CFAP58: variants seen among roughly 807,000 people sequenced by gnomAD.
The protein encoded by CFAP58 is cilia- and flagella-associated protein 58.
Under a neutral mutation model 119.5 loss-of-function variants are expected in CFAP58, and 88 were observed. The observed-to-expected ratio is 0.74, with a 90% CI of 0.62 to 0.88. The LOEUF is 0.88. Ranked by LOEUF, CFAP58 falls within the 40% of genes least tolerant of loss-of-function variation. The pLI, the probability that CFAP58 is intolerant of heterozygous loss-of-function variation, is 0.00. For missense variants in CFAP58, 990 were observed against 1,021.2 expected (o/e 0.97, Z 0.42); for synonymous variants, 365 against 366.3 (o/e 1.00, Z 0.04).
At chr10:104,376,957 T>G in intron 8 of CFAP58, 64 bp downstream of exon 8, 2 of 1,288,444 alleles carry the variant, frequency 1.6e-6, no homozygotes, top group Non-Finnish European at 2.2e-6. Context: ...TATCTGGCTA[T>G]AGCCAGTTGG....
At chr10:104,359,487 A>C (rs879591805) in intron 2 of CFAP58, among the ~76,000 whole-genome samples, 18 of 152,206 alleles carry the variant, frequency 1.2e-4, no homozygotes, top group Non-Finnish European at 2.5e-4. Flanking sequence ...ATGGAAAAAA[A>C]CATTTTTCAT....
chr10:104,428,930 G>A (rs1038391239), intron 15 of CFAP58, among the ~76,000 whole-genome samples: 4 of 152,230 alleles, frequency 2.6e-5, no homozygotes, highest in Admixed American at 6.5e-5. Context: ...AGACAGTTCT[G>A]AAGAGGCTGC....
At chr10:104,407,839 G>A (rs1218099797) in intron 15 of CFAP58, among the ~76,000 whole-genome samples, 2 of 152,128 alleles carry the variant, frequency 1.3e-5, no homozygotes, top group Non-Finnish European at 2.9e-5. Context: ...TGGGGTTACA[G>A]GTGTGTGCCA....
At chr10:104,429,910 T>C (rs547665577) in intron 15 of CFAP58, among the ~76,000 whole-genome samples, 1 of 151,882 alleles carries the variant, frequency 6.6e-6, no homozygotes, top group East Asian at 1.9e-4. Flanking sequence ...TTTTGCCTGC[T>C]CTGAGGGTTC....
intron 9 of CFAP58, among the ~76,000 whole-genome samples, chr10:104,386,058 T>G (rs1024887834): frequency 8.2e-6 from 1 of 121,570 alleles, no homozygotes; most frequent in Non-Finnish European, 1.7e-5. Flanking sequence ...TTGTTCCTTT[T>G]TTGCTTTTTT....
the CFAP58 span, among the ~76,000 whole-genome samples, chr10:104,339,618 C>G: frequency 2.6e-5 from 4 of 152,174 alleles, no homozygotes; most frequent in Non-Finnish European, 1.5e-5. Flanking sequence ...TCCTTTAACA[C>G]TCGCCTGGAA....
intron 3 of CFAP58, 69 bp from the exon 4 acceptor site, chr10:104,364,664 C>G (rs1031260680): frequency 7.0e-7 from 1 of 1,432,792 alleles, no homozygotes; most frequent in Non-Finnish European, 9.6e-7. Flanking sequence ...AAAATGAACT[C>G]AGAGAATGAT....
At chr10:104,382,085 C>A (rs765572586) in intron 9 of CFAP58, 1 of 717,310 alleles carries the variant, frequency 1.4e-6, no homozygotes, top group South Asian at 1.5e-5. Context: ...CTGGCCTTTG[C>A]AGGTCAGCTG....
chr10:104,364,730 T>C lies in CFAP58; in HGVS notation c.441-3T>C. ...GTCTGACTCCTGTGTTCTTCCTTTT[T>C]AGCATCCGAGATTTACTGAGGTTCA... is the stretch of plus-strand genomic sequence containing the variant. On this transcript the variant is annotated splice_region_variant and splice_polypyrimidine_tract_variant and intron_variant, in intron 3 of 17. Coordinates refer to ENST00000369704, the MANE Select transcript of CFAP58 (RefSeq NM_001008723.2). The C allele has an allele frequency of 6.2e-7, 1 of 1,612,880 alleles. No homozygotes were observed. Among genetic ancestry groups the C allele is most frequent in the Non-Finnish European group, 8.5e-7 (1 of 1,179,422 alleles).
At chr10:104,406,854 A>G in intron 15 of CFAP58, 61 bp downstream of exon 15, 1 of 1,276,976 alleles carries the variant, frequency 7.8e-7, no homozygotes, top group Non-Finnish European at 1.1e-6. Context: ...CTCCAGGACT[A>G]CGTTCTTAGA....
At chr10:104,422,632 G>C (rs2012679627) in intron 15 of CFAP58, among the ~76,000 whole-genome samples, 1 of 152,160 alleles carries the variant, frequency 6.6e-6, no homozygotes, top group Non-Finnish European at 1.5e-5. Context: ...GGTTGGTGCT[G>C]GCAGTTGGCG....
At chr10:104,345,554 A>G in the CFAP58 span, among the ~76,000 whole-genome samples, 1 of 152,098 alleles carries the variant, frequency 6.6e-6, no homozygotes, top group Admixed American at 6.5e-5. Flanking sequence ...TTTTACTTCT[A>G]GTGTCTCCTA....
intron 7 of CFAP58, 91 bp downstream of exon 7, chr10:104,371,145 A>G (rs918655734): frequency 4.8e-6 from 6 of 1,238,544 alleles, no homozygotes; most frequent in South Asian, 4.7e-5. Context: ...TCCAAACACA[A>G]CCTATGCCAA....
chr10:104,421,195 C>G (rs997792744), intron 15 of CFAP58, among the ~76,000 whole-genome samples: 3 of 152,090 alleles, frequency 2.0e-5, no homozygotes, highest in African/African-American at 7.2e-5. Context: ...AGATATGGAA[C>G]CTCAGCACTC....
the CFAP58 span, among the ~76,000 whole-genome samples, chr10:104,346,257 C>T: frequency 3.3e-5 from 5 of 152,010 alleles, no homozygotes; most frequent in South Asian, 2.1e-4. Flanking sequence ...CCCCATGACC[C>T]GAACACCTGA....
At chr10:104,391,086 A>G (rs72825885) in intron 9 of CFAP58, among the ~76,000 whole-genome samples, 221 of 152,328 alleles carry the variant, frequency 1.5e-3, no homozygotes, top group South Asian at 5.2e-3. Flanking sequence ...ATTTTCTGGG[A>G]TGGCAATTCT....
At chr10:104,449,495 G>T (rs187703072) in intron 16 of CFAP58, among the ~76,000 whole-genome samples, 3 of 152,236 alleles carry the variant, frequency 2.0e-5, no homozygotes, top group Admixed American at 2.0e-4. Context: ...ACCGAACACA[G>T]CAATGGAAGG....
chr10:104,404,647 T>TG (rs2012326387), intron 14 of CFAP58, among the ~76,000 whole-genome samples: 1 of 152,016 alleles, frequency 6.6e-6, no homozygotes, highest in African/African-American at 2.4e-5. Flanking sequence ...TCTCGCTCTG[T>TG]CACCCAGGCT....
intron 15 of CFAP58, among the ~76,000 whole-genome samples, chr10:104,436,897 A>C (rs531847931): frequency 1.1e-4 from 17 of 152,268 alleles, no homozygotes; most frequent in Admixed American, 9.8e-4. Context: ...TGAACTACTT[A>C]CTGGATGCTT....
Sources: allele counts gnomAD v4.1 joint callset (sites outside exome capture counted in the v4.1 genomes callset), GRCh38; gene constraint gnomAD v4.1.1; transcripts MANE v1.5; gene names NCBI Gene and HGNC (gene_info 2026-07-23, HGNC 2026-07-21).